EVL: variants seen among roughly 807,000 people sequenced by gnomAD.
EVL encodes the protein Enah/Vasp-like, also known as ena/VASP-like protein.
In EVL, 21 loss-of-function variants were observed where a neutral mutation model predicts 59.6. That is an observed-to-expected ratio of 0.35 (90% CI 0.25 to 0.51). EVL has a LOEUF of 0.51. Among genes scored for constraint, EVL ranks in the 20% least tolerant of loss-of-function variants. EVL has a pLI of 0.97. For missense variants in EVL, 462 were observed against 546.6 expected (o/e 0.85, Z 1.54); for synonymous variants, 198 against 203.5 (o/e 0.97, Z 0.23).
At chr14:100,044,524 G>A (rs2061518687) in intron 1 of EVL, among the ~76,000 whole-genome samples, 4 of 152,158 alleles carry the variant, frequency 2.6e-5, no homozygotes, top group Admixed American at 2.6e-4. Context: ...GCCGGGCACT[G>A]GGGAAGACGG....
chr14:100,007,558 C>T (rs189729901), intron 1 of EVL, among the ~76,000 whole-genome samples: 8 of 152,318 alleles, frequency 5.3e-5, no homozygotes, highest in Admixed American at 1.3e-4. Flanking sequence ...CCAACATTTG[C>T]GTGATACCCT....
In EVL at chr14:100,051,250, AC is replaced by A. The variant is rs554438148; in HGVS notation, c.6-33435del. Among the ~76,000 whole-genome samples, 67 of 152,254 alleles carry A rather than the reference AC, an allele frequency of 4.4e-4. 1 individual carries two copies. The highest frequency in any genetic ancestry group is 1.5e-3 in the African/African-American group (62 of 41,548). ...CCTGCTCCGTCCTGACTAGACATGA[AC>A]CATCTGTTTGTCCAGCCTGTCCATG... On this transcript the variant is annotated intron_variant, in intron 1 of 13. Transcript: ENST00000402714.
At chr14:100,105,508 A>G (rs12101053) in intron 3 of EVL, among the ~76,000 whole-genome samples, 15,540 of 151,378 alleles carry the variant, frequency 0.1, 2,198 homozygotes, top group African/African-American at 0.31. Context: ...GTCTTTTGCC[A>G]GGCAAGGCGC....
intron 1 of EVL, among the ~76,000 whole-genome samples, chr14:100,081,850 A>C (rs2062315376): frequency 6.6e-6 from 1 of 152,258 alleles, no homozygotes; most frequent in South Asian, 2.1e-4. Flanking sequence ...CTGTAATCCC[A>C]GCACTTTGGG....
intron 1 of EVL, among the ~76,000 whole-genome samples, chr14:99,981,366 A>G (rs2140170637): frequency 6.6e-6 from 1 of 152,308 alleles, no homozygotes; most frequent in South Asian, 2.1e-4. Flanking sequence ...CGGGATGGGG[A>G]GGTTGCAGGA....
intron 11 of EVL, chr14:100,138,008 G>A (rs1213849074): frequency 1.3e-5 from 8 of 608,966 alleles, no homozygotes; most frequent in Non-Finnish European, 2.0e-5. Context: ...GAGACCAAGG[G>A]CAAGGAGGGC....
intron 3 of EVL, among the ~76,000 whole-genome samples, chr14:100,116,119 C>T (rs921689020): frequency 2.0e-5 from 3 of 152,234 alleles, no homozygotes; most frequent in Non-Finnish European, 4.4e-5. Context: ...CGCTTAGACA[C>T]TTGCTCGCTT....
rs1323160619 is a variant in EVL at position 100,140,961 on chromosome 14, C to G, written c.1095-219C>G. On this transcript the variant is annotated intron_variant, in intron 11 of 13. Coordinates refer to ENST00000392920, the MANE Select transcript of EVL (RefSeq NM_016337.3). The stretch of plus-strand genomic sequence containing the variant: ...GTTGACCCCAGCCAGCCTTGGCTCT[C>G]GGGTTGGGAAATACAGTCACGGTAT... The G allele has an allele frequency of 8.1e-6, 4 of 495,734 alleles. No individual in the cohort carries two copies. The East Asian group carries it at 1.4e-4, about 17-fold the overall frequency. The allele number at this position is 495,734 out of a possible 1,614,324, so 30.7% of individuals were successfully genotyped here. A position where few individuals can be genotyped will look rare whatever the true frequency, so the allele number is the denominator to read the frequency against.
chr14:100,025,380 T>G (rs2061192996), intron 1 of EVL, among the ~76,000 whole-genome samples: 1 of 152,180 alleles, frequency 6.6e-6, no homozygotes, highest in Non-Finnish European at 1.5e-5. Flanking sequence ...ACTGACAGTC[T>G]CTGCCTGGAT....
chr14:100,094,014 A>G (rs1187277805), intron 2 of EVL, among the ~76,000 whole-genome samples: 1 of 152,190 alleles, frequency 6.6e-6, no homozygotes, highest in South Asian at 2.1e-4. Flanking sequence ...GTATGTATGT[A>G]TAGGAAAAAA....
At position 99,995,257 on chromosome 14, in the gene EVL, T is replaced by G. The variant is rs573046284; in HGVS notation, c.5+23200T>G. On this transcript the variant is annotated intron_variant, in intron 1 of 13. Transcript: ENST00000402714. ...TTTCTTTGTATTCTGAGATGTCCAT[T>G]ATTTACATGTTATTTCACTGGATGG... Among the ~76,000 whole-genome samples, 3 of 152,358 alleles carry G rather than the reference T, an allele frequency of 2.0e-5. No homozygotes were observed. In the South Asian group the frequency reaches 6.2e-4, roughly 32 times the overall value.
intron 1 of EVL, among the ~76,000 whole-genome samples, chr14:100,035,448 C>T (rs1010252253): frequency 1.9e-4 from 29 of 148,944 alleles, no homozygotes; most frequent in Non-Finnish European, 1.6e-4. Flanking sequence ...TGTAGTTACT[C>T]TTACTGTTTC....
intron 3 of EVL, among the ~76,000 whole-genome samples, chr14:100,101,331 T>C (rs889071108): frequency 5.3e-5 from 8 of 152,078 alleles, no homozygotes; most frequent in African/African-American, 1.9e-4. Flanking sequence ...ACTAAAAATA[T>C]AAAATTAGGC....
intron 8 of EVL, chr14:100,135,217 C>T (rs1408188460): frequency 1.3e-5 from 2 of 152,200 alleles, no homozygotes; most frequent in East Asian, 1.9e-4. Context: ...TCCTGATTCT[C>T]GTGTGGGGAT....
intron 1 of EVL, among the ~76,000 whole-genome samples, chr14:100,077,732 A>G (rs2062194427): frequency 6.6e-6 from 1 of 152,164 alleles, no homozygotes; most frequent in Admixed American, 6.5e-5. Context: ...TTGTGTTTTA[A>G]TAAACACTCA....
At chr14:99,976,517 T>C (rs2060771270) in intron 1 of EVL, among the ~76,000 whole-genome samples, 1 of 152,330 alleles carries the variant, frequency 6.6e-6, no homozygotes, top group East Asian at 1.9e-4. Flanking sequence ...TCATTCATAT[T>C]GTCTTGTCTC....
chr14:100,142,513 G>A (rs1357906306), intron 13 of EVL, among the ~76,000 whole-genome samples: 1 of 152,238 alleles, frequency 6.6e-6, no homozygotes, highest in Non-Finnish European at 1.5e-5. Context: ...CCCAACCAGG[G>A]TGATAAAGGC....
intron 11 of EVL, chr14:100,139,207 C>CA (rs972681179): frequency 4.6e-5 from 7 of 152,252 alleles, no homozygotes; most frequent in African/African-American, 1.7e-4. Flanking sequence ...GCTGGTGGAG[C>CA]AAAGGCGGGC....
intron 1 of EVL, among the ~76,000 whole-genome samples, chr14:100,037,390 C>T (rs1384041570): frequency 6.6e-6 from 1 of 152,214 alleles, no homozygotes; most frequent in Non-Finnish European, 1.5e-5. Flanking sequence ...TCAAGGCTTA[C>T]CTTTTCCTCT....
Sources: gnomAD v4.1 joint callset for allele counts (sites outside exome capture counted in the v4.1 genomes callset) on GRCh38, gnomAD v4.1.1 for gene constraint, MANE v1.5 for transcripts, NCBI Gene and HGNC (gene_info 2026-07-23, HGNC 2026-07-21) for gene names.